The following USP39 variants were observed in gnomAD, a reference collection of about 807,000 sequenced individuals.
USP39 encodes the protein ubiquitin carboxyl-terminal hydrolase 39.
A neutral mutation model predicts 66.4 loss-of-function variants in USP39; 38 were observed. That is an observed-to-expected ratio of 0.57 (90% CI 0.44 to 0.75). USP39 has a LOEUF of 0.75. USP39 is among the 30% of genes least tolerant of loss of function. USP39 has a pLI of 0.00. For missense variants in USP39, 608 were observed against 714.4 expected, an observed-to-expected ratio of 0.85 and a Z score of 1.70; for synonymous variants, 303 against 274.6, an observed-to-expected ratio of 1.10 and a Z score of -1.02.
At chr2:85,625,872 G>A (rs759212147) in intron 5 of USP39, among the ~76,000 whole-genome samples, 181 bp downstream of exon 5, 3 of 151,774 alleles carry the variant, frequency 2.0e-5, no homozygotes, top group Non-Finnish European at 4.4e-5. Flanking sequence ...ACAAAAATTA[G>A]CTAGATATGG....
At chr2:85,625,500 C>T in intron 4 of USP39, 39 bp from the exon 5 acceptor site, 1 of 1,610,032 alleles carries the variant, frequency 6.2e-7, no homozygotes, top group Non-Finnish European at 8.5e-7. Flanking sequence ...CTTGTGAACT[C>T]AGCTCTTAAA....
chr2:85,612,076 C>T, upstream of USP39: 2 of 1,080,112 alleles, frequency 1.9e-6, no homozygotes, highest in Non-Finnish European at 2.6e-6. Flanking sequence ...TGCTCAGCTT[C>T]CGGCCCCGCA....
At chr2:85,613,865 CCT>C (rs1021178009), upstream of USP39, among the ~76,000 whole-genome samples, 1 of 152,032 alleles carries the variant, frequency 6.6e-6, no homozygotes, top group African/African-American at 2.4e-5. Flanking sequence ...GCAGCCTCCA[CCT>C]CTCAGGCCCA....
At chr2:85,629,884 C>G (rs558995811) in intron 5 of USP39, among the ~76,000 whole-genome samples, 1 of 151,704 alleles carries the variant, frequency 6.6e-6, no homozygotes, top group Non-Finnish European at 1.5e-5. Context: ...ATTGCTTGAA[C>G]CCTGGAGGCA....
At chr2:85,611,588 G>C, upstream of USP39, 2 of 1,552,328 alleles carry the variant, frequency 1.3e-6, no homozygotes, top group Non-Finnish European at 1.7e-6. Context: ...GGAGTAAGAA[G>C]TGGTTTTTCC....
chr2:85,604,738 A>C (rs1270944726), intron 1 of USP39, among the ~76,000 whole-genome samples: 1 of 152,204 alleles, frequency 6.6e-6, no homozygotes, highest in African/African-American at 2.4e-5. Context: ...CTGCGTAGGC[A>C]CCTTATCTGC....
upstream of USP39, chr2:85,610,233 T>G (rs752626823): frequency 1.3e-5 from 2 of 152,126 alleles, no homozygotes; most frequent in Non-Finnish European, 2.9e-5. Flanking sequence ...CAGGTTAATT[T>G]CGAACTCCTG....
upstream of USP39, chr2:85,609,609 GAAA>G: frequency 6.2e-7 from 1 of 1,613,344 alleles, no homozygotes; most frequent in Non-Finnish European, 8.5e-7. Flanking sequence ...ACCACAGTAA[GAAA>G]GAAGAGGGGG....
intron 2 of USP39, among the ~76,000 whole-genome samples, chr2:85,620,069 G>T (rs1302958060): frequency 6.6e-6 from 1 of 151,616 alleles, no homozygotes; most frequent in Non-Finnish European, 1.5e-5. Flanking sequence ...TGTTGGCCAG[G>T]CTGACCTCAA....
Position 85,616,418 on chromosome 2 carries a change from G to A in USP39, c.223G>A (p.Glu75Lys), listed in dbSNP as rs758092721. 4 of 1,595,362 alleles carry A rather than the reference G, an allele frequency of 2.5e-6. No homozygotes were observed. The highest frequency in any genetic ancestry group is 2.3e-5 in the East Asian group (1 of 44,018). Residue 75 changes from glutamate to lysine, a missense_variant, in exon 1 of 13, where the codon GAG (glutamate) becomes AAG (lysine). Glu to Lys is a moderately conservative substitution (Grantham distance 56). Around this residue, in one of 6 missense-constraint regions of USP39, gnomAD observed 207 missense variants for 145.7 expected, o/e 1.42. Coordinates refer to ENST00000323701, the MANE Select transcript of USP39 (RefSeq NM_006590.4). ...TGTCCCGTTTGTGCGGGTGAAGCGG[G>A]AGCGCGAGGTCGATGAGGACTCGGA... is the stretch of plus-strand genomic sequence containing the variant. ...SVVPFVRVKR[E>K]REVDEDSEPE...
intron 5 of USP39, among the ~76,000 whole-genome samples, 186 bp from the exon 6 acceptor site, chr2:85,630,535 C>T (rs1675237423): frequency 6.6e-6 from 1 of 152,202 alleles, no homozygotes; most frequent in African/African-American, 2.4e-5. Context: ...TCGTATGAAA[C>T]TCAACGTTAA....
chr2:85,619,380 A>G (rs946996031), intron 2 of USP39, 91 bp downstream of exon 2: 1 of 1,390,924 alleles, frequency 7.2e-7, no homozygotes. Context: ...CACATTGACA[A>G]ACTTTACTTT....
upstream of USP39, chr2:85,609,547 G>T: frequency 6.2e-7 from 1 of 1,614,200 alleles, no homozygotes; most frequent in Non-Finnish European, 8.5e-7. Flanking sequence ...GCTTTCACCG[G>T]ACTCTTCATA....
In USP39 at chr2:85,639,880, C is replaced by CTT. The variant is rs1313717776; in HGVS notation, c.1284+493_1284+494dup. ...CCCCAACTCTTAACTTATAGTGCCC[C>CTT]TTTTTATTATTTTTTGAGACAGGGT... is the stretch of plus-strand genomic sequence containing the variant. On this transcript the variant is annotated intron_variant, in intron 9 of 12. Coordinates refer to ENST00000323701, the MANE Select transcript of USP39 (RefSeq NM_006590.4). The CTT allele has an allele frequency of 2.6e-5, 4 of 152,752 alleles. No homozygotes were observed. In the East Asian group the frequency reaches 5.8e-4, roughly 22 times the overall value. 9.5% of individuals were successfully genotyped at this position (152,752 alleles called of 1,614,324 possible).
chr2:85,612,063 C>G (rs1392268185), upstream of USP39: 3 of 1,143,688 alleles, frequency 2.6e-6, no homozygotes, highest in African/African-American at 3.2e-5. Context: ...CCGCGCCGCC[C>G]CTTGCTCAGC....
At chr2:85,647,667 A>AC (rs1411696237) in intron 11 of USP39, among the ~76,000 whole-genome samples, 1 of 151,824 alleles carries the variant, frequency 6.6e-6, no homozygotes, top group African/African-American at 2.4e-5. Context: ...TCAAAAAAAA[A>AC]AAAAAACAAA....
intron 3 of USP39, 37 bp downstream of exon 3, chr2:85,621,616 C>A: frequency 2.0e-6 from 3 of 1,489,522 alleles, no homozygotes; most frequent in Admixed American, 2.3e-5. Flanking sequence ...AGATCTGCTC[C>A]AGAGGGACTT....
At chr2:85,611,389 C>T (rs1457135102), upstream of USP39, 1 of 1,466,892 alleles carries the variant, frequency 6.8e-7, no homozygotes, top group East Asian at 2.5e-5. Flanking sequence ...GGTAGCGGAG[C>T]ACCTTACTAA....
At chr2:85,619,898 A>G in intron 2 of USP39, among the ~76,000 whole-genome samples, 1 of 151,412 alleles carries the variant, frequency 6.6e-6, no homozygotes. Context: ...TTTGTCCCCC[A>G]GGCTGGAGTG....
Sources: allele counts gnomAD v4.1 joint callset (sites outside exome capture counted in the v4.1 genomes callset), GRCh38; gene constraint gnomAD v4.1.1; regional missense constraint gnomAD v4.1.1; transcripts MANE v1.5; gene names NCBI Gene and HGNC (gene_info 2026-07-23, HGNC 2026-07-21).